The following CPAMD8 variants were observed in gnomAD, a reference collection of about 807,000 sequenced individuals.
CPAMD8 encodes the protein C3 and PZP like alpha-2-macroglobulin domain containing 8.
A neutral mutation model predicts 224.7 loss-of-function variants in CPAMD8; 146 were observed. The observed-to-expected ratio is 0.65, with a 90% CI of 0.57 to 0.75. The LOEUF is 0.75. Ranked by LOEUF, CPAMD8 falls within the 30% of genes least tolerant of loss-of-function variation. The pLI, the probability that CPAMD8 is intolerant of heterozygous loss-of-function variation, is 0.00. For synonymous variants in CPAMD8, 966 were observed against 1,044.6 expected, an observed-to-expected ratio of 0.92 and a Z score of 1.45; for missense variants, 2,301 against 2,537.5, an observed-to-expected ratio of 0.91 and a Z score of 2.00.
In CPAMD8 at chr19:16,928,010, G is replaced by A. The variant is rs369181262; in HGVS notation, c.3369C>T (p.Ile1123=). The change falls in exon 25 of 42, where the codon ATC becomes ATT. Residue 1123 remains isoleucine, a splice_region_variant and synonymous_variant. Transcript: ENST00000443236. ...AGCCAGGCTGTGGGACAGACGCACC[G>A]ATGATGGAGGCGGTGGCTCGCTCAG... The part of the protein sequence containing the change: ...PGSERATASI[I]GDVMGPTLNH... 3.9e-5 allele frequency: 62 copies of A among 1,608,418 alleles called. No individual in the cohort carries two copies. In the Middle Eastern group the frequency reaches 5.0e-4, roughly 13 times the overall value.
At chr19:16,906,624 G>A (rs1165377643) in intron 30 of CPAMD8, among the ~76,000 whole-genome samples, 2 of 151,646 alleles carry the variant, frequency 1.3e-5, no homozygotes, top group Non-Finnish European at 2.9e-5. Context: ...GGCTGGTCTC[G>A]AACTCCTGGC....
In CPAMD8 at chr19:16,926,323, A is replaced by G. The variant is rs1389043905; in HGVS notation, c.3371-951T>C. On this transcript the variant is annotated intron_variant, in intron 25 of 41. Coordinates refer to ENST00000443236, the MANE Select transcript of CPAMD8 (RefSeq NM_015692.5). The stretch of plus-strand genomic sequence containing the variant: ...TTCCTTCTTTATTTTATTTTATTTT[A>G]TTTTATTTATTTTTAGATGGAATCT... 4.6e-5 allele frequency among the ~76,000 whole-genome samples: 7 copies of G among 151,010 alleles called. No individual in the cohort carries two copies. The East Asian group carries it at 5.8e-4, about 13-fold the overall frequency.
chr19:17,002,326 A>G lies in CPAMD8; in HGVS notation c.698T>C (p.Ile233Thr). The G allele has an allele frequency of 1.2e-6, 2 of 1,606,852 alleles. No individual in the cohort carries two copies. Among genetic ancestry groups the G allele is most frequent in the Non-Finnish European group, 1.7e-6 (2 of 1,175,934 alleles). ...KYVLPKFELLIDPPRYIQDLD... is the reference protein window; with the variant it reads ...KYVLPKFELLTDPPRYIQDLD... ...GTCTTGGATATACCGGGGCGGGTCA[A>G]TCAGAAGCTCAAACTTGGGCAACAC... Residue 233 changes from isoleucine (I) to threonine (T), a missense_variant, in exon 9 of 42, where the codon ATT (isoleucine) becomes ACT (threonine). Around this residue, in one of 4 missense-constraint regions of CPAMD8, gnomAD observed 283 missense variants for 340.6 expected, o/e 0.83. Coordinates refer to ENST00000443236, the MANE Select transcript of CPAMD8 (RefSeq NM_015692.5).
Position 16,980,690 on chromosome 19 carries a change from T to C in CPAMD8, c.1396-4A>G. 2 of 1,523,684 alleles carry C rather than the reference T, an allele frequency of 1.3e-6. No homozygotes were observed. Among genetic ancestry groups the C allele is most frequent in the Non-Finnish European group, 1.8e-6 (2 of 1,135,870 alleles). 94.4% of individuals were successfully genotyped at this position (1,523,684 alleles called of 1,614,324 possible). A position where few individuals can be genotyped will look rare whatever the true frequency, so the allele number is the denominator to read the frequency against. On this transcript the variant is annotated splice_polypyrimidine_tract_variant and splice_region_variant and intron_variant, in intron 13 of 41. Transcript: ENST00000443236. ...AAAAATAGGCTTCTTCCCCAACCTATGGAAGACACGCAGCATGGGGGGCTC... is the reference window on the plus strand; with the variant it reads ...AAAAATAGGCTTCTTCCCCAACCTACGGAAGACACGCAGCATGGGGGGCTC...
rs751688503 is a variant in CPAMD8 at position 16,903,560 on chromosome 19, C to T, written c.4470+1G>A. 1 of 1,614,128 alleles carries T rather than the reference C, an allele frequency of 6.2e-7. No homozygotes were observed. The highest frequency in any genetic ancestry group is 8.5e-7 in the Non-Finnish European group (1 of 1,180,026). ...TCACCTCGTGCTCCCCAAAACCTCA[C>T]CTGCATCAGGCAGCAGCCGTCCCCC... On this transcript the variant is annotated splice_donor_variant, in intron 34 of 41. Coordinates refer to ENST00000443236, the MANE Select transcript of CPAMD8 (RefSeq NM_015692.5). LOFTEE classifies it high-confidence loss of function.
chr19:16,978,597 C>T (rs562245063), intron 14 of CPAMD8, among the ~76,000 whole-genome samples: 1 of 152,166 alleles, frequency 6.6e-6, no homozygotes, highest in Non-Finnish European at 1.5e-5. Flanking sequence ...TTGGTCATCA[C>T]TGCTGGAGGG....
In CPAMD8 at chr19:16,974,138, C is replaced by CT. The variant is rs1245605168; in HGVS notation, c.2070+958dup. Among the ~76,000 whole-genome samples, 1,378 of 142,208 alleles carry CT rather than the reference C, an allele frequency of 9.7e-3. 19 individuals are homozygous for CT. The highest frequency in any genetic ancestry group is 0.032 in the African/African-American group (1,240 of 38,654). The allele number at this position is 142,208 out of a possible 152,430, so 93.3% of individuals were successfully genotyped here. A position where few individuals can be genotyped will look rare whatever the true frequency, so the allele number is the denominator to read the frequency against. On this transcript the variant is annotated intron_variant, in intron 17 of 41. Transcript: ENST00000443236. ...CCACCGCGCTCAGCCAGCATTAGCC[C>CT]TTTTTTTTTTTGAGACGGAGTCTCG...
chr19:16,985,837 G>A (rs1029412776), intron 13 of CPAMD8, among the ~76,000 whole-genome samples: 2 of 151,264 alleles, frequency 1.3e-5, no homozygotes, highest in Non-Finnish European at 3.0e-5. Context: ...GATGGAGAGA[G>A]AGATGGAGGG....
intron 30 of CPAMD8, among the ~76,000 whole-genome samples, chr19:16,905,559 AGGAAGAAAAG>A (rs368081140): frequency 3.1e-5 from 4 of 129,576 alleles, no homozygotes; most frequent in South Asian, 2.5e-4. Context: ...AAAAAAAAAA[AGGAAGAAAAG>A]AAAAAAAAAA....
At chr19:16,978,968 C>T (rs28588854) in intron 14 of CPAMD8, among the ~76,000 whole-genome samples, 74,880 of 151,032 alleles carry the variant, frequency 0.5, 22,225 homozygotes, top group African/African-American at 0.84. Flanking sequence ...CATCCACCCA[C>T]CCATCCACCA....
At chr19:16,957,028 G>T (rs756544269) in intron 19 of CPAMD8, among the ~76,000 whole-genome samples, 37 of 152,208 alleles carry the variant, frequency 2.4e-4, no homozygotes, top group Admixed American at 2.4e-3. Context: ...CATCCAGAAA[G>T]TAGATACATT....
chr19:16,920,331 G>T (rs2053122093), intron 27 of CPAMD8, among the ~76,000 whole-genome samples: 1 of 151,568 alleles, frequency 6.6e-6, no homozygotes, highest in African/African-American at 2.4e-5. Flanking sequence ...TACAAAAAAA[G>T]TAGCCAGGCG....
chr19:16,915,641 A>G (rs1443664823), intron 27 of CPAMD8, among the ~76,000 whole-genome samples: 1 of 152,188 alleles, frequency 6.6e-6, no homozygotes, highest in Non-Finnish European at 1.5e-5. Context: ...GCATGAACAA[A>G]TGAAGGAGAG....
intron 12 of CPAMD8, among the ~76,000 whole-genome samples, chr19:16,993,088 C>T (rs2122931150): frequency 6.6e-6 from 1 of 152,290 alleles, no homozygotes; most frequent in East Asian, 1.9e-4. Flanking sequence ...ACAGTATAAT[C>T]ACGGTCTGCC....
intron 17 of CPAMD8, among the ~76,000 whole-genome samples, chr19:16,973,603 C>A (rs1306947760): frequency 2.6e-5 from 4 of 151,972 alleles, no homozygotes; most frequent in African/African-American, 9.7e-5. Flanking sequence ...CGTGTCTTGG[C>A]CTCCCAAAGT....
intron 32 of CPAMD8, 129 bp downstream of exon 32, chr19:16,904,097 T>G: frequency 9.0e-7 from 1 of 1,110,292 alleles, no homozygotes. Context: ...CCCCAACCCC[T>G]GCCCTCTTTG....
At chr19:16,958,034 G>T in intron 18 of CPAMD8, 119 bp from the exon 19 acceptor site, 1 of 878,242 alleles carries the variant, frequency 1.1e-6, no homozygotes. Context: ...TTACCTGGAA[G>T]GGTTAACATT....
intron 29 of CPAMD8, among the ~76,000 whole-genome samples, chr19:16,909,122 GA>G (rs2052630726): frequency 1.3e-5 from 2 of 152,304 alleles, no homozygotes; most frequent in South Asian, 4.1e-4. Flanking sequence ...CCACCAAAAA[GA>G]TATATTCCCT....
intron 12 of CPAMD8, 39 bp downstream of exon 12, chr19:16,993,377 C>T: frequency 5.0e-6 from 8 of 1,585,506 alleles, no homozygotes; most frequent in Non-Finnish European, 6.9e-6. Context: ...AAGTCCATAC[C>T]TGCTGGCTGA....
Sources: gnomAD v4.1 joint callset for allele counts (sites outside exome capture counted in the v4.1 genomes callset) on GRCh38, gnomAD v4.1.1 for gene constraint, gnomAD v4.1.1 regional missense constraint, MANE v1.5 for transcripts, NCBI Gene and HGNC (gene_info 2026-07-23, HGNC 2026-07-21) for gene names.